The following CCDC192 variants were observed in gnomAD, a reference collection of about 807,000 sequenced individuals.
CCDC192 encodes the protein coiled-coil domain-containing protein 192.
At chr5:127,896,828 A>G (rs922714628) in intron 6 of CCDC192, among the ~76,000 whole-genome samples, 3 of 152,218 alleles carry the variant, frequency 2.0e-5, no homozygotes, top group African/African-American at 7.2e-5. Flanking sequence ...GTATAGCACA[A>G]AGGACCAATC....
chr5:127,865,608 T>C (rs1195922945), intron 5 of CCDC192, among the ~76,000 whole-genome samples: 1 of 150,606 alleles, frequency 6.6e-6, no homozygotes, highest in Non-Finnish European at 1.5e-5. Context: ...ATTGGAAACA[T>C]GGTTTTCTTA....
intron 6 of CCDC192, among the ~76,000 whole-genome samples, chr5:127,931,682 C>T (rs1437825310): frequency 1.3e-5 from 2 of 152,084 alleles, no homozygotes; most frequent in Non-Finnish European, 2.9e-5. Context: ...GATTCCCAGG[C>T]ACCCTTCTAG....
intron 5 of CCDC192, among the ~76,000 whole-genome samples, chr5:127,873,634 A>G (rs548658886): frequency 6.6e-6 from 1 of 152,178 alleles, no homozygotes; most frequent in South Asian, 2.1e-4. Context: ...ATTTTCCCTC[A>G]TTCTCTCCAC....
intron 3 of CCDC192, among the ~76,000 whole-genome samples, chr5:127,772,202 T>A (rs1385280290): frequency 1.3e-5 from 2 of 152,156 alleles, no homozygotes; most frequent in East Asian, 3.9e-4. Flanking sequence ...GGCTCACACC[T>A]GTAATCCCAG....
At chr5:127,775,346 T>A (rs1475732479) in intron 3 of CCDC192, among the ~76,000 whole-genome samples, 1 of 152,226 alleles carries the variant, frequency 6.6e-6, no homozygotes, top group East Asian at 1.9e-4. Flanking sequence ...GTTCCAGAGT[T>A]TGCTGAAATT....
chr5:127,911,992 G>T (rs1158214184), intron 6 of CCDC192, among the ~76,000 whole-genome samples: 1 of 151,794 alleles, frequency 6.6e-6, no homozygotes, highest in Admixed American at 6.6e-5. Flanking sequence ...TGCAATCTGG[G>T]CTCACTGCAA....
intron 3 of CCDC192, among the ~76,000 whole-genome samples, chr5:127,795,712 C>G (rs1341691357): frequency 6.6e-6 from 1 of 152,096 alleles, no homozygotes; most frequent in Non-Finnish European, 1.5e-5. Context: ...TCCCTAGTAG[C>G]TGGGACTACA....
chr5:127,833,038 C>T (rs1371253033), intron 5 of CCDC192, among the ~76,000 whole-genome samples: 1 of 152,110 alleles, frequency 6.6e-6, no homozygotes, highest in Non-Finnish European at 1.5e-5. Flanking sequence ...AGGCTTAGCC[C>T]TCTTGTAAAA....
intron 6 of CCDC192, among the ~76,000 whole-genome samples, chr5:127,880,653 T>C (rs1006261539): frequency 6.6e-6 from 1 of 151,244 alleles, no homozygotes; most frequent in Non-Finnish European, 1.5e-5. Flanking sequence ...AAACAAAACA[T>C]CTCCAATACA....
chr5:127,815,854 C>T lies in CCDC192; in HGVS notation c.411+17692C>T, dbSNP rs58233251. ...TTGCACTCCAGCCTGGGCAACAGAG[C>T]GAGACTCTGTCTGAAAAAAAAAATA... On this transcript the variant is annotated intron_variant, in intron 5 of 6. Transcript: ENST00000514853. 5.9e-3 allele frequency among the ~76,000 whole-genome samples: 884 copies of T among 149,794 alleles called. 34 individuals carry two copies. In the East Asian group the frequency reaches 0.11, roughly 19 times the overall value.
intron 3 of CCDC192, chr5:127,784,943 T>A (rs1292595596): frequency 6.4e-6 from 3 of 468,300 alleles, no homozygotes; most frequent in South Asian, 1.7e-5. Context: ...TTTATTAAGG[T>A]ATCTGTCTTC....
chr5:127,812,533 G>A (rs1346978815), intron 5 of CCDC192, among the ~76,000 whole-genome samples: 2 of 152,050 alleles, frequency 1.3e-5, no homozygotes, highest in Non-Finnish European at 2.9e-5. Context: ...TTATCTAAGT[G>A]TTTAAAAGCA....
chr5:127,767,455 T>C (rs977205616), intron 3 of CCDC192, among the ~76,000 whole-genome samples: 16 of 152,246 alleles, frequency 1.1e-4, no homozygotes, highest in Non-Finnish European at 1.8e-4. Flanking sequence ...GATTGAGAGC[T>C]GTCTGCTTTG....
At chr5:127,938,140 C>G (rs2126334148) in intron 6 of CCDC192, among the ~76,000 whole-genome samples, 1 of 152,242 alleles carries the variant, frequency 6.6e-6, no homozygotes, top group Middle Eastern at 3.4e-3. Flanking sequence ...GAATCAGTTT[C>G]TTATGTAGTT....
chr5:127,872,692 T>C (rs963275600), intron 5 of CCDC192, among the ~76,000 whole-genome samples: 1 of 152,180 alleles, frequency 6.6e-6, no homozygotes, highest in Non-Finnish European at 1.5e-5. Context: ...TCTCATGTTG[T>C]GCCAACATCT....
intron 6 of CCDC192, among the ~76,000 whole-genome samples, chr5:127,929,185 A>G (rs1208688066): frequency 1.3e-5 from 2 of 152,246 alleles, no homozygotes; most frequent in African/African-American, 4.8e-5. Flanking sequence ...TTTAGTATTC[A>G]GAACAAAATA....
chr5:127,792,544 A>G (rs1756926332), intron 3 of CCDC192, among the ~76,000 whole-genome samples: 1 of 150,044 alleles, frequency 6.7e-6, no homozygotes, highest in Non-Finnish European at 1.5e-5. Flanking sequence ...ATATATATAT[A>G]TATGTATAAA....
chr5:127,924,726 G>C (rs1379398371), intron 6 of CCDC192, among the ~76,000 whole-genome samples: 3 of 152,178 alleles, frequency 2.0e-5, no homozygotes, highest in African/African-American at 7.2e-5. Context: ...CTGAACAATG[G>C]ATAGGTGCTG....
At position 127,941,358 on chromosome 5, in the gene CCDC192, C is replaced by G. The variant is rs566547487; in HGVS notation, c.712C>G (p.Arg238Gly). ...GAAGATTCAGCAGCTGGAAGCTGAGCGGAGTCCCCATCCTCCCCAAGAGGT... is the reference window on the plus strand; with the variant it reads ...GAAGATTCAGCAGCTGGAAGCTGAGGGGAGTCCCCATCCTCCCCAAGAGGT... ...ERKIQQLEAE[R>G]SPHPPQEVKD... The change falls in exon 7 of 7, where the codon CGG (arginine) becomes GGG (glycine). Residue 238 changes from arginine (R) to glycine (G), a missense_variant. Physicochemically the swap from Arg to Gly is moderately radical, Grantham distance 125. Coordinates refer to ENST00000514853, the MANE Select transcript of CCDC192 (RefSeq NM_001317938.2). 1.8e-5 allele frequency: 7 copies of G among 399,076 alleles called. No individual in the cohort carries two copies. The South Asian group carries it at 7.6e-4, about 44-fold the overall frequency. 24.7% of individuals were successfully genotyped at this position (399,076 alleles called of 1,614,324 possible).
Sources: allele counts gnomAD v4.1 joint callset (sites outside exome capture counted in the v4.1 genomes callset), GRCh38; gene constraint gnomAD v4.1.1; transcripts MANE v1.5; gene names NCBI Gene and HGNC (gene_info 2026-07-23, HGNC 2026-07-21).